TBC1D5: variants seen among roughly 807,000 people sequenced by gnomAD.
TBC1D5 encodes the protein TBC1 domain family member 5, also known as TBC1 domain family, member 5.
In TBC1D5, 75 loss-of-function variants were observed where a neutral mutation model predicts 100.3. That is an observed-to-expected ratio of 0.75 (90% CI 0.62 to 0.91). TBC1D5 has a LOEUF of 0.91. TBC1D5 is among the 40% of genes least tolerant of loss of function. The probability of loss-of-function intolerance (pLI) is 0.00; values close to 1 mark genes in which losing one functional copy is unlikely to be tolerated. For missense variants in TBC1D5, 910 were observed against 942.4 expected, an observed-to-expected ratio of 0.97 and a Z score of 0.45; for synonymous variants, 323 against 325.6, an observed-to-expected ratio of 0.99 and a Z score of 0.09.
chr3:17,734,739 T>TA (rs1033053073), intron 1 of TBC1D5, among the ~76,000 whole-genome samples: 4 of 152,134 alleles, frequency 2.6e-5, no homozygotes, highest in Admixed American at 1.3e-4. Context: ...TTGTAAAGGG[T>TA]AAACTGGCAT....
chr3:17,511,646 C>G lies in TBC1D5; in HGVS notation c.-35-3041G>C, dbSNP rs541838597. On this transcript the variant is annotated intron_variant, in intron 2 of 21. Transcript: ENST00000253692. Reference sequence around the variant, plus strand: ...AAAATACTTAAGGTCTTTTTGACTCCTTAGAGAAAGTTCAAGAAGTCATTT... The same window carrying G: ...AAAATACTTAAGGTCTTTTTGACTCGTTAGAGAAAGTTCAAGAAGTCATTT... Among the ~76,000 whole-genome samples the G allele has an allele frequency of 2.0e-5, 3 of 151,974 alleles. No individual in the cohort carries two copies. In the East Asian group the frequency reaches 5.8e-4, roughly 29 times the overall value.
intron 2 of TBC1D5, among the ~76,000 whole-genome samples, chr3:17,618,237 C>T (rs537246988): frequency 6.6e-6 from 1 of 152,198 alleles, no homozygotes; most frequent in African/African-American, 2.4e-5. Flanking sequence ...GGCTGCAGAA[C>T]AGCAATTATT....
At chr3:17,196,397 A>C (rs1279847530) in intron 18 of TBC1D5, among the ~76,000 whole-genome samples, 1 of 152,180 alleles carries the variant, frequency 6.6e-6, no homozygotes, top group African/African-American at 2.4e-5. Flanking sequence ...GTCAGAAGAG[A>C]CAGTGAAGGG....
At chr3:17,593,354 C>T (rs2060355834) in intron 2 of TBC1D5, among the ~76,000 whole-genome samples, 1 of 152,146 alleles carries the variant, frequency 6.6e-6, no homozygotes, top group Non-Finnish European at 1.5e-5. Flanking sequence ...TACACACGGG[C>T]TCAATAACAT....
chr3:17,618,910 A>C (rs1233479764), intron 2 of TBC1D5, among the ~76,000 whole-genome samples: 1 of 152,136 alleles, frequency 6.6e-6, no homozygotes, highest in East Asian at 1.9e-4. Flanking sequence ...GGCTGCACCC[A>C]CTGTCCAACC....
rs533155677 is a variant in TBC1D5, at chr3:17,316,850, C to A, written c.996-8716G>T. Among the ~76,000 whole-genome samples, 134 of 152,268 alleles carry A rather than the reference C, an allele frequency of 8.8e-4. 1 individual carries two copies. The highest frequency in any genetic ancestry group is 3.1e-3 in the African/African-American group (129 of 41,548). Reference sequence around the variant, plus strand: ...CACTGACTTCTTTTCCTGGCTCATGCCAGCCCTGATTTGATCATAAGACTG... The same window carrying A: ...CACTGACTTCTTTTCCTGGCTCATGACAGCCCTGATTTGATCATAAGACTG... On this transcript the variant is annotated intron_variant, in intron 13 of 21. Coordinates refer to ENST00000253692, the Ensembl canonical transcript of TBC1D5.
At chr3:17,185,019 C>G in intron 19 of TBC1D5, 90 bp downstream of exon 20, 1 of 1,099,616 alleles carries the variant, frequency 9.1e-7, no homozygotes, top group South Asian at 1.6e-5. Context: ...TTCATGTAAA[C>G]AGCTTAGCAC....
chr3:17,256,978 A>G (rs1412128152), intron 16 of TBC1D5, among the ~76,000 whole-genome samples: 2 of 152,168 alleles, frequency 1.3e-5, no homozygotes, highest in Non-Finnish European at 2.9e-5. Context: ...ATAACAGAGA[A>G]GGCTGATGTG....
intron 15 of TBC1D5, among the ~76,000 whole-genome samples, chr3:17,263,366 CAAAAA>C (rs71049192): frequency 6.2e-5 from 5 of 80,990 alleles, no homozygotes; most frequent in African/African-American, 1.9e-4. Flanking sequence ...ACCCTGTCTC[CAAAAA>C]AAAAAAAAAA....
chr3:17,517,513 G>A (rs1456644296), intron 2 of TBC1D5, among the ~76,000 whole-genome samples: 4 of 152,096 alleles, frequency 2.6e-5, no homozygotes, highest in African/African-American at 4.8e-5. Flanking sequence ...TCAATGATGA[G>A]AATGTGTCAT....
intron 16 of TBC1D5, among the ~76,000 whole-genome samples, chr3:17,256,200 G>T (rs1014327016): frequency 6.6e-6 from 1 of 151,938 alleles, no homozygotes; most frequent in Non-Finnish European, 1.5e-5. Context: ...CTTTTTCAAA[G>T]ATTTGCCAAT....
In TBC1D5 at chr3:17,251,862, G is replaced by T. The variant is rs191954264; in HGVS notation, c.1331+6644C>A. 1.6e-3 allele frequency among the ~76,000 whole-genome samples: 248 copies of T among 152,260 alleles called. 2 individuals are homozygous for T. The highest frequency in any genetic ancestry group is 5.8e-3 in the African/African-American group (239 of 41,532). On this transcript the variant is annotated intron_variant, in intron 16 of 21. Transcript: ENST00000253692. The stretch of plus-strand genomic sequence containing the variant: ...TTCCAATTTTGTCCTTAAATAACCA[G>T]AAATTGCTGCTATTAAAAAAGTACA...
chr3:17,405,677 G>C (rs895199102), intron 5 of TBC1D5, among the ~76,000 whole-genome samples: 9 of 152,102 alleles, frequency 5.9e-5, no homozygotes, highest in Non-Finnish European at 1.2e-4. Flanking sequence ...AAGAAGAAAA[G>C]TGTATTTTAA....
intron 19 of TBC1D5, among the ~76,000 whole-genome samples, chr3:17,179,603 T>C (rs574203471): frequency 2.6e-5 from 4 of 152,348 alleles, no homozygotes; most frequent in Non-Finnish European, 4.4e-5. Context: ...CGTTGCCAGC[T>C]AGCTGGAAGC....
intron 13 of TBC1D5, among the ~76,000 whole-genome samples, chr3:17,319,823 T>C (rs966003672): frequency 5.3e-5 from 8 of 152,026 alleles, no homozygotes; most frequent in Admixed American, 2.6e-4. Context: ...TGGGCCAAGA[T>C]TGCACCACTG....
At chr3:17,288,550 C>T (rs2081393076) in intron 15 of TBC1D5, among the ~76,000 whole-genome samples, 1 of 152,254 alleles carries the variant, frequency 6.6e-6, no homozygotes, top group Non-Finnish European at 1.5e-5. Context: ...GTTGTGCCCA[C>T]CTCTAAGTGG....
chr3:17,677,129 A>C (rs1284126645), intron 1 of TBC1D5, among the ~76,000 whole-genome samples: 2 of 152,370 alleles, frequency 1.3e-5, no homozygotes, highest in Middle Eastern at 3.4e-3. Context: ...AAGCAATGAC[A>C]ACAAAAGCCA....
chr3:17,428,658 C>G (rs1013839114), intron 3 of TBC1D5, 139 bp from the exon 4 acceptor site: 1 of 300,334 alleles, frequency 3.3e-6, no homozygotes, highest in Non-Finnish European at 6.2e-6. Flanking sequence ...CTTTTGTACT[C>G]AAAGCTTTTT....
chr3:17,303,995 G>A (rs544792241), intron 14 of TBC1D5, among the ~76,000 whole-genome samples: 2 of 151,852 alleles, frequency 1.3e-5, no homozygotes, highest in Non-Finnish European at 2.9e-5. Flanking sequence ...ACCCTACTCT[G>A]CCTCACTCAC....
Sources: allele counts gnomAD v4.1 joint callset (sites outside exome capture counted in the v4.1 genomes callset), GRCh38; gene constraint gnomAD v4.1.1; transcripts MANE v1.5; gene names NCBI Gene and HGNC (gene_info 2026-07-23, HGNC 2026-07-21).